Variants in ZFAND3 observed in about 807,000 individuals in gnomAD.
The protein encoded by ZFAND3 is AN1-type zinc finger protein 3.
Under a neutral mutation model 29.6 loss-of-function variants are expected in ZFAND3, and 10 were observed. The observed-to-expected ratio is 0.34, with a 90% CI of 0.21 to 0.57. The LOEUF is 0.57. Ranked by LOEUF, ZFAND3 falls within the 20% of genes least tolerant of loss-of-function variation. ZFAND3 has a pLI of 0.86. For synonymous variants in ZFAND3, 128 were observed against 112.6 expected (o/e 1.14, Z -0.87); for missense variants, 230 against 304.5 (o/e 0.76, Z 1.82).
chr6:38,079,411 G>C (rs1343635834), intron 3 of ZFAND3, among the ~76,000 whole-genome samples: 2 of 152,144 alleles, frequency 1.3e-5, no homozygotes, highest in Non-Finnish European at 2.9e-5. Flanking sequence ...ATGCTAGGAA[G>C]CCTTAAAGTT....
Position 37,918,951 on chromosome 6 carries a change from C to CTTTTTTTTTTTTTTTTTTTTTTT in ZFAND3, c.72-10988_72-10987insTTTTTTTTTTTTTTTTTTTTTTT, listed in dbSNP as rs66941014. On this transcript the variant is annotated intron_variant, in intron 1 of 5. Transcript: ENST00000287218. ...TGTGTTTTCAAAACATGAAAAATGC[C>CTTTTTTTTTTTTTTTTTTTTTTT]TTTTTTTTTTTTTTTTTTTTGAGAC... 2.3e-4 allele frequency among the ~76,000 whole-genome samples: 24 copies of CTTTTTTTTTTTTTTTTTTTTTTT among 104,726 alleles called. 3 individuals carry two copies. Among genetic ancestry groups the CTTTTTTTTTTTTTTTTTTTTTTT allele is most frequent in the African/African-American group, 4.9e-4 (12 of 24,582 alleles). 68.7% of individuals were successfully genotyped at this position (104,726 alleles called of 152,430 possible).
chr6:38,117,055 G>A (rs1285960277), intron 5 of ZFAND3, among the ~76,000 whole-genome samples: 2 of 151,994 alleles, frequency 1.3e-5, no homozygotes, highest in Non-Finnish European at 1.5e-5. Flanking sequence ...TTCTTCTCAC[G>A]ACTTCAGAAG....
chr6:38,136,648 G>A (rs1255133812), intron 5 of ZFAND3, among the ~76,000 whole-genome samples: 1 of 152,188 alleles, frequency 6.6e-6, no homozygotes, highest in Admixed American at 6.5e-5. Context: ...AGGTGAAGAT[G>A]GGTCCTGTGG....
At chr6:38,135,884 A>G (rs1471270138) in intron 5 of ZFAND3, among the ~76,000 whole-genome samples, 2 of 152,208 alleles carry the variant, frequency 1.3e-5, no homozygotes, top group African/African-American at 4.8e-5. Context: ...TGCAGTCCAG[A>G]AGGCTCCCTT....
At chr6:37,878,544 C>T (rs1358535950) in intron 1 of ZFAND3, among the ~76,000 whole-genome samples, 2 of 152,142 alleles carry the variant, frequency 1.3e-5, no homozygotes, top group East Asian at 3.8e-4. Context: ...ATAGCCCTGC[C>T]CCTGTGACCT....
At chr6:37,908,216 T>C (rs1765445222) in intron 1 of ZFAND3, among the ~76,000 whole-genome samples, 1 of 152,266 alleles carries the variant, frequency 6.6e-6, no homozygotes, top group South Asian at 2.1e-4. Context: ...TTTTAATGAT[T>C]TGTTTTAGGT....
At chr6:38,086,897 A>T (rs1254047395) in intron 4 of ZFAND3, among the ~76,000 whole-genome samples, 1 of 152,204 alleles carries the variant, frequency 6.6e-6, no homozygotes, top group East Asian at 1.9e-4. Context: ...ATCGTAAGCA[A>T]AAAGAACAAA....
chr6:38,106,738 C>A (rs574999676), intron 4 of ZFAND3, among the ~76,000 whole-genome samples: 2 of 152,026 alleles, frequency 1.3e-5, no homozygotes, highest in Non-Finnish European at 2.9e-5. Flanking sequence ...TGGATTGGGG[C>A]CACCTTGAGG....
intron 1 of ZFAND3, among the ~76,000 whole-genome samples, chr6:37,927,166 T>TA (rs1261640161): frequency 6.6e-6 from 1 of 152,188 alleles, no homozygotes; most frequent in Non-Finnish European, 1.5e-5. Context: ...GCATTTTAAA[T>TA]ACATAAATTA....
At chr6:37,908,929 G>A (rs2127404128) in intron 1 of ZFAND3, among the ~76,000 whole-genome samples, 1 of 152,148 alleles carries the variant, frequency 6.6e-6, no homozygotes, top group East Asian at 1.9e-4. Context: ...TTATTACATT[G>A]GGAGAATGCT....
chr6:37,865,478 G>T (rs149381284), intron 1 of ZFAND3, among the ~76,000 whole-genome samples: 4 of 152,124 alleles, frequency 2.6e-5, no homozygotes, highest in Non-Finnish European at 5.9e-5. Context: ...AGATACACAC[G>T]CACACACTTG....
At chr6:37,844,689 T>G (rs1326878379) in intron 1 of ZFAND3, among the ~76,000 whole-genome samples, 1 of 152,012 alleles carries the variant, frequency 6.6e-6, no homozygotes, top group Non-Finnish European at 1.5e-5. Context: ...TTGTTGCTTC[T>G]GAACAAACCA....
chr6:38,024,268 CA>C (rs1272831311), intron 2 of ZFAND3, among the ~76,000 whole-genome samples: 1 of 151,744 alleles, frequency 6.6e-6, no homozygotes, highest in African/African-American at 2.4e-5. Flanking sequence ...GTCAGGAGAT[CA>C]AGACCATCCT....
At chr6:37,892,339 C>G (rs1765120541) in intron 1 of ZFAND3, among the ~76,000 whole-genome samples, 1 of 152,184 alleles carries the variant, frequency 6.6e-6, no homozygotes, top group African/African-American at 2.4e-5. Flanking sequence ...TGCCTGTAGT[C>G]CCAGCTACTT....
At chr6:37,845,883 A>AT in intron 1 of ZFAND3, among the ~76,000 whole-genome samples, 1 of 152,366 alleles carries the variant, frequency 6.6e-6, no homozygotes, top group East Asian at 1.9e-4. Flanking sequence ...TTAGAGGTCT[A>AT]AAGACTAATG....
intron 2 of ZFAND3, among the ~76,000 whole-genome samples, chr6:38,052,571 T>C (rs372677528): frequency 2.6e-5 from 4 of 152,326 alleles, no homozygotes; most frequent in African/African-American, 7.2e-5. Flanking sequence ...TGAGGCACAC[T>C]GTGAATAAGA....
At position 38,006,180 on chromosome 6, in the gene ZFAND3, A is replaced by G. The variant is rs146831112; in HGVS notation, c.113-55413A>G. 8.5e-5 allele frequency among the ~76,000 whole-genome samples: 13 copies of G among 152,314 alleles called. 1 individual carries two copies. The East Asian group carries it at 1.9e-3, about 23-fold the overall frequency. On this transcript the variant is annotated intron_variant, in intron 2 of 5. Transcript: ENST00000287218. ...ATCTTCCCATTATGACATGCAGTATACAATTTATAGTCTTTTTTGTGGGGA... is the reference window on the plus strand; with the variant it reads ...ATCTTCCCATTATGACATGCAGTATGCAATTTATAGTCTTTTTTGTGGGGA...
At chr6:37,887,081 C>T (rs958180612) in intron 1 of ZFAND3, among the ~76,000 whole-genome samples, 4 of 152,134 alleles carry the variant, frequency 2.6e-5, no homozygotes, top group Admixed American at 2.6e-4. Flanking sequence ...AATGTATTAT[C>T]AATCTGAAAA....
chr6:38,005,677 G>A (rs1000243118), intron 2 of ZFAND3, among the ~76,000 whole-genome samples: 2 of 152,114 alleles, frequency 1.3e-5, no homozygotes, highest in Non-Finnish European at 2.9e-5. Flanking sequence ...TTATACAGTT[G>A]TTACATTCTG....
Sources: allele counts gnomAD v4.1 joint callset (sites outside exome capture counted in the v4.1 genomes callset), GRCh38; gene constraint gnomAD v4.1.1; transcripts MANE v1.5; gene names NCBI Gene and HGNC (gene_info 2026-07-23, HGNC 2026-07-21).